LRRC69: variants seen among roughly 807,000 people sequenced by gnomAD.
The protein encoded by LRRC69 is leucine rich repeat containing 69, also known as leucine-rich repeat-containing protein 69.
A neutral mutation model predicts 37.8 loss-of-function variants in LRRC69; 42 were observed. The ratio of observed to expected loss-of-function variants is 1.11; its 90% CI spans 0.87 to 1.44. The LOEUF (loss-of-function observed/expected upper bound fraction) is 1.44, where lower values mean the gene tolerates loss of function less well. LRRC69 is among the 40% of genes most tolerant of loss of function. The pLI is 0.00. For missense variants in LRRC69, 357 were observed against 401.9 expected (o/e 0.89, Z 0.96); for synonymous variants, 141 against 143.1 (o/e 0.99, Z 0.11).
intron 5 of LRRC69, among the ~76,000 whole-genome samples, chr8:91,145,052 T>C (rs1778324262): frequency 6.6e-6 from 1 of 151,926 alleles, no homozygotes; most frequent in African/African-American, 2.4e-5. Flanking sequence ...ATTGAACACT[T>C]GGAGAATGTC....
chr8:91,174,207 C>T (rs1809186032), intron 5 of LRRC69, among the ~76,000 whole-genome samples: 1 of 151,738 alleles, frequency 6.6e-6, no homozygotes, highest in African/African-American at 2.4e-5. Flanking sequence ...TGAATTAAAT[C>T]CTTTCCCCAG....
At chr8:91,200,400 A>G (rs980690673) in intron 6 of LRRC69, among the ~76,000 whole-genome samples, 8 of 152,212 alleles carry the variant, frequency 5.3e-5, no homozygotes, top group Admixed American at 4.6e-4. Flanking sequence ...AAATACGACA[A>G]TGTAAGAAAC....
At chr8:91,169,747 C>T (rs1809093850) in intron 5 of LRRC69, among the ~76,000 whole-genome samples, 1 of 134,404 alleles carries the variant, frequency 7.4e-6, no homozygotes, top group Non-Finnish European at 1.6e-5. Context: ...TTGTTCAATT[C>T]CCACCTATGA....
chr8:91,166,892 CT>C lies in LRRC69; in HGVS notation c.652-22629del, dbSNP rs553092294. ...CTGTTATTTAACAAAGGTTCTGCCC[CT>C]GGTCGTTTTCAGACACAGAGCTGGT... is the stretch of plus-strand genomic sequence containing the variant. On this transcript the variant is annotated intron_variant, in intron 5 of 7. Transcript: ENST00000448384. Among the ~76,000 whole-genome samples the C allele has an allele frequency of 4.5e-4, 69 of 151,996 alleles. No homozygotes were observed. In the South Asian group the frequency reaches 0.014, roughly 31 times the overall value.
At chr8:91,132,671 C>T (rs1351036034) in intron 3 of LRRC69, among the ~76,000 whole-genome samples, 7 of 151,922 alleles carry the variant, frequency 4.6e-5, no homozygotes, top group Admixed American at 4.6e-4. Flanking sequence ...CATCTTTGAA[C>T]TTCCACAGCA....
intron 5 of LRRC69, among the ~76,000 whole-genome samples, chr8:91,180,297 G>C (rs1158811487): frequency 1.3e-5 from 2 of 152,192 alleles, no homozygotes; most frequent in Admixed American, 6.5e-5. Flanking sequence ...CTGCTTCCAA[G>C]ATGGCTTACT....
chr8:91,195,804 C>T (rs1229669262), intron 6 of LRRC69, among the ~76,000 whole-genome samples: 1 of 151,182 alleles, frequency 6.6e-6, no homozygotes, highest in Admixed American at 6.6e-5. Context: ...ATCCAATTTG[C>T]CAGTCTGTGT....
At chr8:91,123,216 G>C (rs1377470718) in intron 1 of LRRC69, among the ~76,000 whole-genome samples, 1 of 152,016 alleles carries the variant, frequency 6.6e-6, no homozygotes, top group Non-Finnish European at 1.5e-5. Flanking sequence ...AGAAATATAA[G>C]ATAAATTTGT....
intron 7 of LRRC69, among the ~76,000 whole-genome samples, chr8:91,208,281 C>A (rs886870997): frequency 3.9e-5 from 6 of 152,006 alleles, no homozygotes; most frequent in Non-Finnish European, 1.5e-5. Context: ...GAGGCTAGAC[C>A]TGGTGATGTG....
intron 7 of LRRC69, among the ~76,000 whole-genome samples, chr8:91,205,238 A>G (rs1023313809): frequency 2.0e-5 from 3 of 152,182 alleles, no homozygotes; most frequent in Non-Finnish European, 4.4e-5. Context: ...ATAACACAAT[A>G]TATGAGCCAG....
intron 7 of LRRC69, among the ~76,000 whole-genome samples, chr8:91,201,995 C>T (rs898267003): frequency 6.6e-6 from 1 of 151,984 alleles, no homozygotes; most frequent in African/African-American, 2.4e-5. Context: ...CACCTGAGGT[C>T]AGGAGTTTGA....
chr8:91,116,875 CT>C (rs1270869902), intron 1 of LRRC69, among the ~76,000 whole-genome samples: 1 of 152,010 alleles, frequency 6.6e-6, no homozygotes, highest in Non-Finnish European at 1.5e-5. Context: ...CTTGTCTTCT[CT>C]CTTACTTATT....
intron 5 of LRRC69, among the ~76,000 whole-genome samples, chr8:91,143,014 G>A (rs1182848718): frequency 6.6e-6 from 1 of 152,056 alleles, no homozygotes. Flanking sequence ...CACAAGGAAT[G>A]CCTATATAGT....
intron 5 of LRRC69, among the ~76,000 whole-genome samples, chr8:91,147,883 T>C (rs2130539905): frequency 6.6e-6 from 1 of 151,642 alleles, no homozygotes; most frequent in South Asian, 2.1e-4. Context: ...CAACAGGCCT[T>C]GGTGTGTATT....
At chr8:91,140,083 C>T (rs1808505518) in intron 5 of LRRC69, among the ~76,000 whole-genome samples, 1 of 99,078 alleles carries the variant, frequency 1.0e-5, no homozygotes, top group Admixed American at 1.0e-4. Context: ...AAAAGCGAAA[C>T]TCCGTCTCAA....
intron 7 of LRRC69, among the ~76,000 whole-genome samples, chr8:91,203,360 G>T (rs1053641232): frequency 1.3e-5 from 2 of 151,872 alleles, no homozygotes; most frequent in African/African-American, 4.8e-5. Flanking sequence ...GCCAATAAAG[G>T]ATCTGAGTTG....
intron 1 of LRRC69, among the ~76,000 whole-genome samples, chr8:91,114,441 GTA>G (rs1156612528): frequency 9.1e-6 from 1 of 109,700 alleles, no homozygotes; most frequent in Admixed American, 8.1e-5. Flanking sequence ...AAATGTTTGT[GTA>G]TGTGTGTGTG....
chr8:91,204,115 C>T (rs578049021), intron 7 of LRRC69, among the ~76,000 whole-genome samples: 121 of 146,228 alleles, frequency 8.3e-4, no homozygotes, highest in African/African-American at 3.0e-3. Flanking sequence ...GAGAAAGACT[C>T]CATCTCAAAA....
chr8:91,173,129 G>C (rs1198775980), intron 5 of LRRC69, among the ~76,000 whole-genome samples: 1 of 152,038 alleles, frequency 6.6e-6, no homozygotes, highest in Non-Finnish European at 1.5e-5. Flanking sequence ...TAGGATGTAG[G>C]GGAAGAGGGT....
Sources: gnomAD v4.1 joint callset for allele counts (sites outside exome capture counted in the v4.1 genomes callset) on GRCh38, gnomAD v4.1.1 for gene constraint, MANE v1.5 for transcripts, NCBI Gene and HGNC (gene_info 2026-07-23, HGNC 2026-07-21) for gene names.